Variants in LAMB4 observed in about 807,000 individuals in gnomAD.
LAMB4 encodes the protein laminin subunit beta 4.
Under a neutral mutation model 199.2 loss-of-function variants are expected in LAMB4, and 196 were observed. The observed-to-expected ratio is 0.98, with a 90% CI of 0.88 to 1.11. The LOEUF is 1.11. Among genes scored for constraint, LAMB4 ranks in the 50% least tolerant of loss-of-function variants. The pLI is 0.00. For missense variants in LAMB4, 2,080 were observed against 2,171.2 expected, an observed-to-expected ratio of 0.96 and a Z score of 0.83; for synonymous variants, 744 against 770.6, an observed-to-expected ratio of 0.97 and a Z score of 0.57.
chr7:108,066,631 C>T (rs749261911), intron 19 of LAMB4, 31 bp from the exon 20 acceptor site: 13 of 1,416,178 alleles, frequency 9.2e-6, no homozygotes, highest in Admixed American at 5.7e-5. Context: ...TATGCTGGAG[C>T]GGGGATGAGT....
rs1013457465 is a variant in LAMB4 at position 108,101,484 on chromosome 7, C to G, written c.1180+1560G>C. Among the ~76,000 whole-genome samples, 3 of 152,192 alleles carry G rather than the reference C, an allele frequency of 2.0e-5. No individual in the cohort carries two copies. The South Asian group carries it at 6.2e-4, about 32-fold the overall frequency. ...TGGAAACTCAGGCCAATACAATGAT[C>G]TTGTTGCTTGCTATGCCATGAGTTA... On this transcript the variant is annotated intron_variant, in intron 10 of 33. Coordinates refer to ENST00000388781, the MANE Select transcript of LAMB4 (RefSeq NM_007356.3).
rs763113896 is a variant in LAMB4, at chr7:108,069,774, C to G, written c.2236G>C (p.Val746Leu). The G allele has an allele frequency of 1.7e-5, 28 of 1,613,914 alleles. No homozygotes were observed. Among genetic ancestry groups the G allele is most frequent in the Non-Finnish European group, 2.2e-5 (26 of 1,179,934 alleles). ...AGCCTTTCACAGGCACCCGGGAGCA[C>G]TTGAGGTCCCATTGCTGAGGCAATT... is the stretch of plus-strand genomic sequence containing the variant. ...VEIASAMGPQVLPGACERLII... is the reference protein window; with the variant it reads ...VEIASAMGPQLLPGACERLII... The change falls in exon 18 of 34, where the codon GTG becomes CTG. Residue 746 changes from valine (V) to leucine (L), a missense_variant. Physicochemically the swap from Val to Leu is conservative, Grantham distance 32 (BLOSUM62 1). Transcript: ENST00000388781.
intron 31 of LAMB4, among the ~76,000 whole-genome samples, chr7:108,031,393 GA>G (rs1176945407): frequency 8.3e-6 from 1 of 120,470 alleles, no homozygotes; most frequent in African/African-American, 3.0e-5. Context: ...AGAGCGAAGA[GA>G]AAAAAAGAAA....
At chr7:108,018,138 C>T in the LAMB4 span, among the ~76,000 whole-genome samples, 1 of 152,210 alleles carries the variant, frequency 6.6e-6, no homozygotes, top group African/African-American at 2.4e-5. Context: ...GTCACAGGCA[C>T]CTAAGGAGAT....
chr7:108,110,473 C>T (rs1563102999), intron 4 of LAMB4, among the ~76,000 whole-genome samples: 3 of 152,186 alleles, frequency 2.0e-5, no homozygotes, highest in African/African-American at 4.8e-5. Context: ...CAGACGAAAG[C>T]GGCTGGACTA....
At chr7:108,093,729 C>T (rs185510320) in intron 12 of LAMB4, among the ~76,000 whole-genome samples, 3 of 152,174 alleles carry the variant, frequency 2.0e-5, no homozygotes, top group Non-Finnish European at 2.9e-5. Context: ...GAACATGCTC[C>T]GATAAAACTT....
At chr7:108,019,947 C>T (rs1415589197), downstream of LAMB4, among the ~76,000 whole-genome samples, 3 of 152,098 alleles carry the variant, frequency 2.0e-5, no homozygotes, top group Non-Finnish European at 2.9e-5. Context: ...CTTTAATGGG[C>T]CACACCAGCT....
intron 2 of LAMB4, among the ~76,000 whole-genome samples, chr7:108,120,834 G>A (rs941624977): frequency 1.3e-5 from 2 of 152,134 alleles, no homozygotes; most frequent in African/African-American, 2.4e-5. Context: ...TTGCCTTAGA[G>A]ATTTAACATG....
At chr7:108,068,721 T>C (rs1274151159) in intron 18 of LAMB4, among the ~76,000 whole-genome samples, 1 of 152,144 alleles carries the variant, frequency 6.6e-6, no homozygotes, top group East Asian at 1.9e-4. Context: ...TGAGACTGAA[T>C]CTCATTCTAT....
At chr7:108,122,830 T>TA (rs561108312) in intron 2 of LAMB4, among the ~76,000 whole-genome samples, 1 of 152,204 alleles carries the variant, frequency 6.6e-6, no homozygotes, top group Non-Finnish European at 1.5e-5. Flanking sequence ...GCACAGCTAT[T>TA]AAAAAAATTA....
intron 2 of LAMB4, among the ~76,000 whole-genome samples, chr7:108,116,619 A>G (rs1374280867): frequency 6.6e-6 from 1 of 152,202 alleles, no homozygotes; most frequent in African/African-American, 2.4e-5. Flanking sequence ...CATTTCCCAA[A>G]TTTATTTCAC....
At chr7:108,104,645 T>C in intron 8 of LAMB4, 26 bp from the exon 9 acceptor site, 1 of 1,610,104 alleles carries the variant, frequency 6.2e-7, no homozygotes, top group Non-Finnish European at 8.5e-7. Flanking sequence ...AATAGAGCGT[T>C]GAAAGAGGGC....
At chr7:108,082,473 T>A (rs1039900844) in intron 14 of LAMB4, among the ~76,000 whole-genome samples, 2 of 152,106 alleles carry the variant, frequency 1.3e-5, no homozygotes, top group African/African-American at 4.8e-5. Context: ...GGATACAGGA[T>A]CTGAGCTTAT....
At chr7:108,107,520 A>C (rs2038065408) in intron 6 of LAMB4, 111 bp downstream of exon 6, 2 of 788,578 alleles carry the variant, frequency 2.5e-6, no homozygotes, top group Non-Finnish European at 4.0e-6. Flanking sequence ...TCAAAAAAGC[A>C]ACAGCCCAAC....
chr7:108,049,800 C>T (rs2035770426), intron 26 of LAMB4, among the ~76,000 whole-genome samples: 1 of 152,088 alleles, frequency 6.6e-6, no homozygotes, highest in Non-Finnish European at 1.5e-5. Context: ...CTGGGCATAC[C>T]CTTGAGCAAA....
intron 2 of LAMB4, among the ~76,000 whole-genome samples, chr7:108,117,764 A>C (rs2038459487): frequency 6.6e-6 from 1 of 152,220 alleles, no homozygotes; most frequent in South Asian, 2.1e-4. Context: ...ATTCTAAACA[A>C]GGGGTGGATT....
intron 3 of LAMB4, among the ~76,000 whole-genome samples, chr7:108,113,708 T>C (rs556645542): frequency 1.3e-5 from 2 of 152,322 alleles, no homozygotes; most frequent in South Asian, 2.1e-4. Context: ...GTATAATCTT[T>C]GATGAGGTTG....
intron 1 of LAMB4, among the ~76,000 whole-genome samples, chr7:108,124,664 C>CA (rs55806392): frequency 0.34 from 49,597 of 144,730 alleles, 9,689 homozygotes; most frequent in Admixed American, 0.47. Context: ...GTTTAAAAGG[C>CA]AAAAAAAAAA....
chr7:108,078,797 A>G (rs1238233278), intron 15 of LAMB4, among the ~76,000 whole-genome samples: 1 of 152,200 alleles, frequency 6.6e-6, no homozygotes, highest in Non-Finnish European at 1.5e-5. Context: ...TATATTTTTA[A>G]TGGCTTTCTT....
Sources: allele counts gnomAD v4.1 joint callset (sites outside exome capture counted in the v4.1 genomes callset), GRCh38; gene constraint gnomAD v4.1.1; transcripts MANE v1.5; gene names NCBI Gene and HGNC (gene_info 2026-07-23, HGNC 2026-07-21).